The following ABLIM1 variants were observed in gnomAD, a reference collection of about 807,000 sequenced individuals.
ABLIM1 encodes the protein actin binding LIM protein 1, also known as actin-binding LIM protein 1.
A neutral mutation model predicts 107.0 loss-of-function variants in ABLIM1; 40 were observed. The ratio of observed to expected loss-of-function variants is 0.37; its 90% CI spans 0.29 to 0.49. ABLIM1 has a LOEUF of 0.49. ABLIM1 is among the 20% of genes least tolerant of loss of function. The pLI is 0.97. For synonymous variants in ABLIM1, 357 were observed against 357.3 expected (o/e 1.00, Z 0.01); for missense variants, 857 against 1,008.5 (o/e 0.85, Z 2.04).
intron 1 of ABLIM1, among the ~76,000 whole-genome samples, chr10:114,696,255 G>A (rs1465498142): frequency 6.6e-6 from 1 of 152,176 alleles, no homozygotes; most frequent in East Asian, 1.9e-4. Context: ...TGCTATATTA[G>A]TTGCTAAGAT....
chr10:114,779,818 ACT>A, the ABLIM1 span: 1 of 152,060 alleles, frequency 6.6e-6, no homozygotes, highest in Non-Finnish European at 1.5e-5. Context: ...ACCAGGCTGC[ACT>A]GAGTATCCTT....
chr10:114,466,268 C>A (rs1220744061), intron 11 of ABLIM1, among the ~76,000 whole-genome samples: 1 of 152,004 alleles, frequency 6.6e-6, no homozygotes, highest in Non-Finnish European at 1.5e-5. Context: ...TATGATTGTG[C>A]CAGTGCACTC....
intron 1 of ABLIM1, among the ~76,000 whole-genome samples, chr10:114,669,662 G>A (rs1281210626): frequency 6.6e-6 from 1 of 152,172 alleles, no homozygotes; most frequent in African/African-American, 2.4e-5. Context: ...TTCATTTTCT[G>A]ATGGAAACCA....
At chr10:114,693,639 CTTTT>C (rs965297038) in intron 1 of ABLIM1, among the ~76,000 whole-genome samples, 10 of 151,702 alleles carry the variant, frequency 6.6e-5, no homozygotes, top group African/African-American at 1.7e-4. Context: ...TTCTTTCTTT[CTTTT>C]TATTTCTTTT....
In ABLIM1 at chr10:114,619,818, C is replaced by T. The variant is rs996646776; in HGVS notation, c.245-17857G>A. 5.9e-5 allele frequency among the ~76,000 whole-genome samples: 9 copies of T among 152,172 alleles called. No homozygotes were observed. Among genetic ancestry groups the T allele is most frequent in the Admixed American group, 5.2e-4 (8 of 15,272 alleles). On this transcript the variant is annotated intron_variant, in intron 1 of 22. Transcript: ENST00000533213. The surrounding 1 kb of genome is among the most constrained non-coding windows in gnomAD (Gnocchi z 4.1). ...TTTCTTTGGACTTCCAGCTGGAATT[C>T]AAACAGTATTTTACTCTGAATTTAA...
chr10:114,659,040 T>C (rs1024044866), upstream of ABLIM1, among the ~76,000 whole-genome samples: 3 of 152,196 alleles, frequency 2.0e-5, no homozygotes, highest in African/African-American at 7.2e-5. Context: ...AATGTGACCG[T>C]CTACAACCAT....
At chr10:114,762,992 G>A (rs73357605) in intron 1 of ABLIM1, among the ~76,000 whole-genome samples, 5,410 of 152,222 alleles carry the variant, frequency 0.036, 320 homozygotes, top group African/African-American at 0.12. Flanking sequence ...CTAAGATTTC[G>A]ACAGCACACA....
intron 6 of ABLIM1, 128 bp downstream of exon 6, chr10:114,544,877 T>C (rs1258116305): frequency 3.6e-6 from 3 of 829,920 alleles, no homozygotes; most frequent in Admixed American, 3.7e-5. Context: ...AATAGTCACC[T>C]GCGACTACTT....
intron 1 of ABLIM1, among the ~76,000 whole-genome samples, chr10:114,713,290 G>C (rs950387726): frequency 6.6e-6 from 1 of 152,144 alleles, no homozygotes; most frequent in Non-Finnish European, 1.5e-5. Context: ...TCTTTGCTCT[G>C]GAACCAGGAT....
chr10:114,789,767 G>A, the ABLIM1 span, among the ~76,000 whole-genome samples: 1 of 151,276 alleles, frequency 6.6e-6, no homozygotes, highest in East Asian at 1.9e-4. Context: ...CTTTTTAATC[G>A]GGTTGTTTTT....
At position 114,450,178 on chromosome 10, in the gene ABLIM1, A is replaced by G. The variant is rs564017430; in HGVS notation, c.1594+1446T>C. ...GTGAAGTCAGTAGTTAAACATTCAC[A>G]TGTTAATGAGTGTGTGGAAAGACAA... On this transcript the variant is annotated intron_variant, in intron 14 of 22. Coordinates refer to ENST00000533213, the MANE Select transcript of ABLIM1 (RefSeq NM_002313.7). 111 of 320,614 alleles carry G rather than the reference A, an allele frequency of 3.5e-4. 1 individual carries two copies. Among genetic ancestry groups the G allele is most frequent in the South Asian group, 3.0e-3 (109 of 36,516 alleles). 19.9% of individuals were successfully genotyped at this position (320,614 alleles called of 1,614,324 possible).
At chr10:114,674,573 C>T (rs1370409083) in intron 1 of ABLIM1, among the ~76,000 whole-genome samples, 5 of 152,162 alleles carry the variant, frequency 3.3e-5, no homozygotes, top group African/African-American at 1.2e-4. Flanking sequence ...GTAACAGTTT[C>T]CTCACCTCCT....
intron 1 of ABLIM1, among the ~76,000 whole-genome samples, chr10:114,700,330 A>G (rs1014644212): frequency 6.6e-6 from 1 of 152,226 alleles, no homozygotes; most frequent in Non-Finnish European, 1.5e-5. Flanking sequence ...TCTATGGATT[A>G]TAAGGTTCAA....
chr10:114,772,639 C>T (rs150608236), upstream of ABLIM1, among the ~76,000 whole-genome samples: 831 of 151,930 alleles, frequency 5.5e-3, 9 homozygotes, highest in African/African-American at 0.019. Flanking sequence ...CAGTGTAGAC[C>T]CCAAGGATTC....
At chr10:114,515,741 T>C (rs973933332) in intron 6 of ABLIM1, among the ~76,000 whole-genome samples, 1 of 152,224 alleles carries the variant, frequency 6.6e-6, no homozygotes, top group African/African-American at 2.4e-5. Flanking sequence ...TAATCCACTA[T>C]GACTGATGTC....
intron 1 of ABLIM1, among the ~76,000 whole-genome samples, chr10:114,603,771 C>A (rs571211494): frequency 6.6e-4 from 100 of 151,744 alleles, no homozygotes; most frequent in Non-Finnish European, 1.4e-3. Context: ...CTGGCCAACA[C>A]GGTGAAACCC....
intron 6 of ABLIM1, among the ~76,000 whole-genome samples, chr10:114,528,910 T>A (rs761287581): frequency 6.6e-6 from 1 of 152,192 alleles, no homozygotes; most frequent in South Asian, 2.1e-4. Context: ...CAGCCTTAGA[T>A]GGTAAGACCA....
rs139630187 is a variant in ABLIM1 at position 114,437,932 on chromosome 10, G to T, written c.2143-8C>A. 1.6e-4 allele frequency: 265 copies of T among 1,611,594 alleles called. 1 individual carries two copies. In the East Asian group the frequency reaches 5.9e-3, roughly 36 times the overall value. ...CATTTCATATGGAAATATCTGAGAAGAAAGAAAACACCTCTTCTAGAACAC... is the reference window on the plus strand; with the variant it reads ...CATTTCATATGGAAATATCTGAGAATAAAGAAAACACCTCTTCTAGAACAC... On this transcript the variant is annotated splice_region_variant and splice_polypyrimidine_tract_variant and intron_variant, in intron 21 of 22. Coordinates refer to ENST00000533213, the MANE Select transcript of ABLIM1 (RefSeq NM_002313.7).
intron 1 of ABLIM1, among the ~76,000 whole-genome samples, chr10:114,702,093 T>C (rs2081318088): frequency 6.6e-6 from 1 of 152,200 alleles, no homozygotes; most frequent in African/African-American, 2.4e-5. Flanking sequence ...CATGACAAGA[T>C]GTTTAGAATT....
Sources: gnomAD v4.1 joint callset for allele counts (sites outside exome capture counted in the v4.1 genomes callset) on GRCh38, gnomAD v4.1.1 for gene constraint, Gnocchi (gnomAD v3.1) non-coding constraint, MANE v1.5 for transcripts, NCBI Gene and HGNC (gene_info 2026-07-23, HGNC 2026-07-21) for gene names.